The following ALMS1 variants were observed in gnomAD, a reference collection of about 807,000 sequenced individuals.
The protein encoded by ALMS1 is ALMS1 centrosome and basal body associated protein, also known as centrosome-associated protein ALMS1.
ALMS1 carries 271 observed loss-of-function variants against 352.2 expected under a neutral mutation model. The ratio of observed to expected loss-of-function variants is 0.77; its 90% CI spans 0.70 to 0.85. ALMS1 has a LOEUF of 0.85. ALMS1 is among the 40% of genes least tolerant of loss of function. ALMS1 has a pLI of 0.00. For missense variants in ALMS1, 5,445 were observed against 4,870.7 expected (o/e 1.12, Z -3.51); for synonymous variants, 1,865 against 1,761.2 (o/e 1.06, Z -1.48).
At chr2:73,446,830 C>T (rs1671819172) in intron 7 of ALMS1, among the ~76,000 whole-genome samples, 1 of 152,120 alleles carries the variant, frequency 6.6e-6, no homozygotes, top group African/African-American at 2.4e-5. Flanking sequence ...TCAGGTCCCA[C>T]CCAGACCTAC....
At chr2:73,509,988 T>C (rs949461211) in intron 10 of ALMS1, among the ~76,000 whole-genome samples, 2 of 152,218 alleles carry the variant, frequency 1.3e-5, no homozygotes, top group African/African-American at 4.8e-5. Context: ...TCTGATATCC[T>C]TTCTTCCACT....
At chr2:73,560,730 G>T (rs1227005393) in intron 15 of ALMS1, among the ~76,000 whole-genome samples, 1 of 152,178 alleles carries the variant, frequency 6.6e-6, no homozygotes, top group Admixed American at 6.6e-5. Flanking sequence ...TTTGTATTGT[G>T]CAGCCTTAAG....
intron 16 of ALMS1, among the ~76,000 whole-genome samples, chr2:73,594,799 T>G (rs1290148592): frequency 6.6e-6 from 1 of 152,226 alleles, no homozygotes; most frequent in Non-Finnish European, 1.5e-5. Flanking sequence ...GTGTTTTTTC[T>G]CAGGTCTTCA....
At chr2:73,560,373 A>T (rs773602877) in intron 15 of ALMS1, among the ~76,000 whole-genome samples, 1 of 152,216 alleles carries the variant, frequency 6.6e-6, no homozygotes, top group South Asian at 2.1e-4. Flanking sequence ...TAGGATGACC[A>T]CTATCAAAAG....
chr2:73,563,032 G>T (rs1176332617), intron 15 of ALMS1, among the ~76,000 whole-genome samples: 3 of 151,174 alleles, frequency 2.0e-5, no homozygotes, highest in Admixed American at 6.6e-5. Context: ...ACAAAAAATT[G>T]CCATAAAATG....
intron 19 of ALMS1, among the ~76,000 whole-genome samples, chr2:73,601,769 C>T (rs1166765660): frequency 6.6e-6 from 1 of 152,256 alleles, no homozygotes; most frequent in Non-Finnish European, 1.5e-5. Flanking sequence ...ATGTGTGTTC[C>T]TCCATGTCCG....
At chr2:73,606,468 C>T (rs1232269794) in intron 21 of ALMS1, among the ~76,000 whole-genome samples, 1 of 152,248 alleles carries the variant, frequency 6.6e-6, no homozygotes, top group African/African-American at 2.4e-5. Flanking sequence ...GACTAGGAAG[C>T]TTGCCTACAG....
At chr2:73,564,033 T>G (rs1440014826) in intron 15 of ALMS1, among the ~76,000 whole-genome samples, 1 of 151,412 alleles carries the variant, frequency 6.6e-6, no homozygotes, top group Non-Finnish European at 1.5e-5. Context: ...TGATGTGGGG[T>G]GTGTGTGGCT....
At chr2:73,418,837 A>T (rs1671229724) in intron 2 of ALMS1, among the ~76,000 whole-genome samples, 1 of 152,146 alleles carries the variant, frequency 6.6e-6, no homozygotes, top group Admixed American at 6.6e-5. Flanking sequence ...AATTTTCATG[A>T]ATTTCTATTT....
rs1347394772 is a variant in ALMS1, at chr2:73,573,126, C to T, written c.11249C>T (p.Thr3750Ile). Reference protein sequence around the residue: ...SEESELLTDTTTNILSGTTST... With the variant: ...SEESELLTDTITNILSGTTST... The stretch of plus-strand genomic sequence containing the variant: ...GAGAGTGAGCTGCTCACAGATACTA[C>T]CACCAACATCCTTTCCGGCACCACT... The change falls in exon 16 of 23, where the codon ACC becomes ATC. Residue 3750 changes from threonine (T) to isoleucine (I), a missense_variant. Coordinates refer to ENST00000613296, the MANE Select transcript of ALMS1 (RefSeq NM_001378454.1). 1 of 1,613,982 alleles carries T rather than the reference C, an allele frequency of 6.2e-7. No homozygotes were observed. Among genetic ancestry groups the T allele is most frequent in the Admixed American group, 1.7e-5 (1 of 59,978 alleles).
chr2:73,408,785 T>G (rs1418394568), intron 2 of ALMS1, 38 bp downstream of exon 2: 2 of 1,595,272 alleles, frequency 1.3e-6, no homozygotes, highest in African/African-American at 1.3e-5. Context: ...TTTTTTTTGA[T>G]AAGCAGCACA....
chr2:73,542,171 T>C (rs1674199130), intron 12 of ALMS1, among the ~76,000 whole-genome samples: 1 of 152,200 alleles, frequency 6.6e-6, no homozygotes, highest in African/African-American at 2.4e-5. Context: ...TTACTCACCA[T>C]GATGAAGTGG....
chr2:73,537,721 TCCA>T (rs1455599174), intron 12 of ALMS1, among the ~76,000 whole-genome samples: 2 of 152,138 alleles, frequency 1.3e-5, no homozygotes, highest in African/African-American at 4.8e-5. Flanking sequence ...TACTTAAATG[TCCA>T]GGCCGGGTGC....
intron 11 of ALMS1, among the ~76,000 whole-genome samples, chr2:73,531,431 A>G (rs1673907540): frequency 6.6e-6 from 1 of 152,162 alleles, no homozygotes; most frequent in Admixed American, 6.5e-5. Context: ...CAAGTTTCTC[A>G]TCTCCATCTG....
chr2:73,520,385 T>A (rs1343344669), intron 11 of ALMS1, among the ~76,000 whole-genome samples: 3 of 152,160 alleles, frequency 2.0e-5, no homozygotes, highest in Non-Finnish European at 4.4e-5. Flanking sequence ...TACTATATAG[T>A]GCGTATATAG....
chr2:73,581,869 C>T (rs923125592), intron 16 of ALMS1, among the ~76,000 whole-genome samples: 5 of 152,028 alleles, frequency 3.3e-5, no homozygotes, highest in African/African-American at 7.2e-5. Flanking sequence ...CTCAGCCTAC[C>T]GAGTAGCTGG....
chr2:73,524,601 C>T (rs966035383), intron 11 of ALMS1, among the ~76,000 whole-genome samples: 6 of 151,932 alleles, frequency 3.9e-5, no homozygotes, highest in Non-Finnish European at 7.4e-5. Context: ...TACAGGCACC[C>T]GCCACCACGC....
intron 11 of ALMS1, among the ~76,000 whole-genome samples, chr2:73,524,593 C>T (rs1159702015): frequency 6.6e-6 from 1 of 152,134 alleles, no homozygotes; most frequent in African/African-American, 2.4e-5. Context: ...GCTGGGATTA[C>T]AGGCACCCGC....
intron 4 of ALMS1, 148 bp downstream of exon 4, chr2:73,423,122 A>G: frequency 1.4e-6 from 1 of 710,994 alleles, no homozygotes; most frequent in Non-Finnish European, 2.5e-6. Context: ...CTGTACTAAG[A>G]CTTGATGCAT....
Sources: gnomAD v4.1 joint callset for allele counts (sites outside exome capture counted in the v4.1 genomes callset) on GRCh38, gnomAD v4.1.1 for gene constraint, MANE v1.5 for transcripts, NCBI Gene and HGNC (gene_info 2026-07-23, HGNC 2026-07-21) for gene names.